Variants in TMEM9 observed in about 807,000 individuals in gnomAD.
TMEM9 encodes proton-transporting V-type ATPase complex assembly regulator TMEM9.
In TMEM9, 13 loss-of-function variants were observed where a neutral mutation model predicts 22.8. That is an observed-to-expected ratio of 0.57 (90% CI 0.37 to 0.91). The LOEUF is 0.91. TMEM9 is among the 40% of genes least tolerant of loss of function. The probability of loss-of-function intolerance (pLI) is 0.01; values close to 1 mark genes in which losing one functional copy is unlikely to be tolerated. For missense variants in TMEM9, 182 were observed against 238.1 expected (o/e 0.76, Z 1.55); for synonymous variants, 88 against 93.0 (o/e 0.95, Z 0.31).
upstream of TMEM9, among the ~76,000 whole-genome samples, chr1:201,155,453 T>C (rs958289): frequency 0.041 from 6,200 of 152,312 alleles, 411 homozygotes; most frequent in African/African-American, 0.14. Flanking sequence ...TGGGCACTTA[T>C]CTGGAGGCCA....
chr1:201,164,449 CAA>C (rs1464465716), intron 1 of TMEM9, among the ~76,000 whole-genome samples: 2 of 152,168 alleles, frequency 1.3e-5, no homozygotes, highest in African/African-American at 4.8e-5. Flanking sequence ...CTGAATTAGT[CAA>C]GATGCTAACT....
chr1:201,165,522 T>G (rs1167137338), intron 1 of TMEM9, among the ~76,000 whole-genome samples: 1 of 151,846 alleles, frequency 6.6e-6, no homozygotes, highest in Non-Finnish European at 1.5e-5. Flanking sequence ...CTACAACCTC[T>G]GGCTCCCTGG....
At chr1:201,139,919 CA>C (rs2102230730) in intron 4 of TMEM9, among the ~76,000 whole-genome samples, 1 of 152,370 alleles carries the variant, frequency 6.6e-6, no homozygotes, top group East Asian at 1.9e-4. Flanking sequence ...TGTGCTGCCC[CA>C]CTGGAGGCTC....
intron 2 of TMEM9, 141 bp from the exon 3 acceptor site, chr1:201,146,989 T>C: frequency 1.5e-6 from 1 of 685,998 alleles, no homozygotes; most frequent in Non-Finnish European, 2.5e-6. Flanking sequence ...GCCAAGGGCT[T>C]ATAAAGGATT....
At chr1:201,169,396 G>T (rs1666159387) in intron 1 of TMEM9, among the ~76,000 whole-genome samples, 1 of 152,194 alleles carries the variant, frequency 6.6e-6, no homozygotes, top group African/African-American at 2.4e-5. Flanking sequence ...CTAGAATAAG[G>T]GTAGTGGTGA....
In TMEM9 at chr1:201,154,023, C is replaced by T. The variant is rs987336362; in HGVS notation, c.-100G>A. On this transcript the variant is annotated 5_prime_UTR_variant, in exon 1 of 5. Transcript: ENST00000367330. ...GCCACACCGCAGCCAGCACGCTAGG[C>T]CCTTAACCATCCGGCCAAGTGGGAA... is the stretch of plus-strand genomic sequence containing the variant. The T allele has an allele frequency of 7.1e-7, 1 of 1,400,400 alleles. No homozygotes were observed. The highest frequency in any genetic ancestry group is 9.6e-7 in the Non-Finnish European group (1 of 1,042,160). 86.7% of individuals were successfully genotyped at this position (1,400,400 alleles called of 1,614,324 possible).
chr1:201,137,139 C>A lies in TMEM9; in HGVS notation c.400-1324G>T, dbSNP rs556724679. ...CCTGAGGAAGGCTTCCTGTGCCAGG[C>A]TAGGTGAGGCTCAGGCAACGCCTGA... On this transcript the variant is annotated intron_variant, in intron 4 of 4. Coordinates refer to ENST00000367330, the MANE Select transcript of TMEM9 (RefSeq NM_001288565.2). Among the ~76,000 whole-genome samples, 5 of 152,366 alleles carry A rather than the reference C, an allele frequency of 3.3e-5. No homozygotes were observed. The South Asian group carries it at 1.0e-3, about 32-fold the overall frequency.
intron 1 of TMEM9, among the ~76,000 whole-genome samples, chr1:201,169,119 G>A (rs1408870): frequency 0.045 from 6,869 of 151,616 alleles, 407 homozygotes; most frequent in African/African-American, 0.13. Flanking sequence ...AGAAAATTGC[G>A]GAAACTGCAA....
intron 1 of TMEM9, chr1:201,171,473 C>G (rs533652364): frequency 3.3e-5 from 5 of 152,340 alleles, no homozygotes; most frequent in Non-Finnish European, 7.3e-5. Flanking sequence ...ACACTTCACA[C>G]GAGAGAGATT....
At chr1:201,144,399 T>C (rs1483262321) in intron 3 of TMEM9, 1 of 195,968 alleles carries the variant, frequency 5.1e-6, no homozygotes, top group African/African-American at 2.3e-5. Context: ...GTGGGCTCAT[T>C]GCTCCTGTGG....
Position 201,135,443 on chromosome 1 carries a change from A to C in TMEM9, c.*220T>G. 1 of 442,922 alleles carries C rather than the reference A, an allele frequency of 2.3e-6. No individual in the cohort carries two copies. Among genetic ancestry groups the C allele is most frequent in the Non-Finnish European group, 3.9e-6 (1 of 257,674 alleles). 27.4% of individuals were successfully genotyped at this position (442,922 alleles called of 1,614,324 possible). ...TGCCTTCCCCCTCCCTTCAACCCCA[A>C]AGACCCAAGAAGACAACAGAGATCA... On this transcript the variant is annotated 3_prime_UTR_variant, in exon 5 of 5. Transcript: ENST00000367330.
chr1:201,170,065 T>A (rs895821471), intron 1 of TMEM9, among the ~76,000 whole-genome samples: 1 of 152,170 alleles, frequency 6.6e-6, no homozygotes, highest in Non-Finnish European at 1.5e-5. Flanking sequence ...GAAATTCATA[T>A]AATCTATGAA....
rs531056557 is a variant in TMEM9 at position 201,139,163 on chromosome 1, C to T, written c.400-3348G>A. Among the ~76,000 whole-genome samples the T allele has an allele frequency of 2.0e-5, 3 of 152,344 alleles. No homozygotes were observed. In the Middle Eastern group the frequency reaches 0.01, roughly 518 times the overall value. ...AGCTGGCACTGGACTTGGCCAAAGC[C>T]TGATGACAAGGAGACAGGGAGAGTG... is the stretch of plus-strand genomic sequence containing the variant. On this transcript the variant is annotated intron_variant, in intron 4 of 4. Coordinates refer to ENST00000367330, the MANE Select transcript of TMEM9 (RefSeq NM_001288565.2).
chr1:201,152,684 T>C (rs1665528611), intron 1 of TMEM9, among the ~76,000 whole-genome samples: 1 of 152,222 alleles, frequency 6.6e-6, no homozygotes, highest in African/African-American at 2.4e-5. Flanking sequence ...ATACAACTGC[T>C]ACTACAGGTG....
At chr1:201,141,507 A>G (rs1473777055) in intron 4 of TMEM9, among the ~76,000 whole-genome samples, 1 of 152,182 alleles carries the variant, frequency 6.6e-6, no homozygotes, top group Admixed American at 6.5e-5. Context: ...GCCCCAGGCC[A>G]CAACCAGCGA....
Position 201,134,814 on chromosome 1 carries a change from A to G in TMEM9, c.*849T>C, listed in dbSNP as rs1432362826. The G allele has an allele frequency of 2.6e-5, 4 of 152,818 alleles. No individual in the cohort carries two copies. Among genetic ancestry groups the G allele is most frequent in the African/African-American group, 9.6e-5 (4 of 41,468 alleles). 9.5% of individuals were successfully genotyped at this position (152,818 alleles called of 1,614,324 possible). On this transcript the variant is annotated 3_prime_UTR_variant, in exon 5 of 5. Coordinates refer to ENST00000367330, the MANE Select transcript of TMEM9 (RefSeq NM_001288565.2). ...TTTAATGATGGCTTCCTTGATTTACACACAACTCTAAGACAAGAGGACAAA... is the reference window on the plus strand; with the variant it reads ...TTTAATGATGGCTTCCTTGATTTACGCACAACTCTAAGACAAGAGGACAAA...
At chr1:201,145,181 G>A (rs1230747402) in intron 3 of TMEM9, 1 of 152,320 alleles carries the variant, frequency 6.6e-6, no homozygotes, top group Non-Finnish European at 1.5e-5. Context: ...GAGCCTCCTA[G>A]GTAGGAGGAC....
chr1:201,156,439 A>T (rs1572136050), upstream of TMEM9, among the ~76,000 whole-genome samples: 2 of 152,066 alleles, frequency 1.3e-5, no homozygotes, highest in African/African-American at 4.8e-5. Context: ...GGTAGCAAGC[A>T]CCCTGTTGCA....
intron 1 of TMEM9, among the ~76,000 whole-genome samples, chr1:201,162,164 C>T (rs1204366745): frequency 2.0e-5 from 3 of 150,082 alleles, no homozygotes; most frequent in Admixed American, 1.3e-4. Flanking sequence ...AACAAATATG[C>T]CCAATTGATT....
Sources: allele counts gnomAD v4.1 joint callset (sites outside exome capture counted in the v4.1 genomes callset), GRCh38; gene constraint gnomAD v4.1.1; transcripts MANE v1.5; gene names NCBI Gene and HGNC (gene_info 2026-07-23, HGNC 2026-07-21).